DRC9: variants seen among roughly 807,000 people sequenced by gnomAD.
DRC9 encodes dynein regulatory complex subunit 9.
the DRC9 span, chr3:197,954,452 GCCC>G: frequency 2.4e-6 from 1 of 422,622 alleles, no homozygotes. Context: ...TTCCACCTCA[GCCC>G]CCCAAGTAGC....
chr3:197,908,521 C>T, the DRC9 span, among the ~76,000 whole-genome samples: 1 of 147,120 alleles, frequency 6.8e-6, no homozygotes, highest in Non-Finnish European at 1.5e-5. Flanking sequence ...AGAGTGACCC[C>T]TTTCCCAGGC....
the DRC9 span, among the ~76,000 whole-genome samples, chr3:197,901,241 C>G: frequency 3.9e-5 from 6 of 152,092 alleles, no homozygotes; most frequent in South Asian, 2.1e-4. This position sits in a 1 kb window ranked among gnomAD's most constrained non-coding sequence, Gnocchi z 4.4. Context: ...GGGGTTCAAG[C>G]GAGTCTCCTG....
chr3:197,948,333 G>A, the DRC9 span, among the ~76,000 whole-genome samples: 3 of 152,092 alleles, frequency 2.0e-5, no homozygotes, highest in African/African-American at 7.2e-5. Context: ...TGATCCTTTC[G>A]CTGACTCGTC....
At chr3:197,945,952 G>A in the DRC9 span, among the ~76,000 whole-genome samples, 1 of 152,136 alleles carries the variant, frequency 6.6e-6, no homozygotes, top group Non-Finnish European at 1.5e-5. Context: ...GTAAATTAAT[G>A]TTCAACGTGG....
the DRC9 span, chr3:197,916,270 G>A: frequency 6.6e-6 from 1 of 151,414 alleles, no homozygotes; most frequent in Non-Finnish European, 1.4e-5. Context: ...ACTGCGCCCG[G>A]CTTTGTTGTT....
At chr3:197,957,532 A>T in the DRC9 span, 1 of 146,034 alleles carries the variant, frequency 6.8e-6, no homozygotes, top group African/African-American at 2.6e-5. Flanking sequence ...ATCTTGGCTC[A>T]CTGCACGCTC....
At chr3:197,913,598 T>C in the DRC9 span, 20 of 561,962 alleles carry the variant, frequency 3.6e-5, no homozygotes, top group Non-Finnish European at 6.1e-5. Context: ...GTCAGAAAAA[T>C]GGTGATTGGT....
the DRC9 span, among the ~76,000 whole-genome samples, chr3:197,929,715 G>A: frequency 2.7e-4 from 41 of 152,230 alleles, no homozygotes; most frequent in Admixed American, 2.7e-3. The surrounding 1 kb of genome is among the most constrained non-coding windows in gnomAD (Gnocchi z 4.6). Flanking sequence ...AGGCTGCAGT[G>A]GGCTATGATC....
At chr3:197,954,329 G>T in the DRC9 span, 3 of 675,906 alleles carry the variant, frequency 4.4e-6, no homozygotes, top group Non-Finnish European at 7.6e-6. Flanking sequence ...TTGGTTGTTT[G>T]TTTTTTGTTT....
At chr3:197,895,818 T>C in the DRC9 span, among the ~76,000 whole-genome samples, 3 of 150,474 alleles carry the variant, frequency 2.0e-5, no homozygotes, top group East Asian at 3.9e-4. Flanking sequence ...CTACAAAACA[T>C]AGGAAAATTA....
chr3:197,918,194 A>G, the DRC9 span, among the ~76,000 whole-genome samples: 1 of 130,040 alleles, frequency 7.7e-6, no homozygotes, highest in Non-Finnish European at 1.6e-5. Flanking sequence ...TCCCACCTCA[A>G]CCTCCCGAGT....
At chr3:197,922,126 C>G in the DRC9 span, among the ~76,000 whole-genome samples, 8 of 152,262 alleles carry the variant, frequency 5.3e-5, no homozygotes, top group Admixed American at 4.6e-4. Context: ...TTCTTTCTTT[C>G]TTTTTTTAAG....
chr3:197,954,471 C>T, the DRC9 span: 1 of 396,602 alleles, frequency 2.5e-6, no homozygotes, highest in Non-Finnish European at 4.7e-6. Flanking sequence ...GTAGCTGGGA[C>T]CATAGGCGTG....
the DRC9 span, among the ~76,000 whole-genome samples, chr3:197,918,355 C>T: frequency 6.7e-6 from 1 of 149,422 alleles, no homozygotes; most frequent in Non-Finnish European, 1.5e-5. Context: ...CTACCTGCCT[C>T]GGCCTCCCAA....
chr3:197,950,021 A>G, the DRC9 span: 4 of 839,072 alleles, frequency 4.8e-6, no homozygotes, highest in Non-Finnish European at 6.4e-6. Context: ...CAGCCTACCA[A>G]GATGAAAGGA....
At chr3:197,913,333 C>CGTGCGTGT in the DRC9 span, 25 of 206,094 alleles carry the variant, frequency 1.2e-4, no homozygotes, top group African/African-American at 6.2e-4. Flanking sequence ...TGTGTGCGTG[C>CGTGCGTGT]GTGCGTGCGT....
chr3:197,891,328 T>G, the DRC9 span: 16 of 599,150 alleles, frequency 2.7e-5, 1 homozygote, highest in South Asian at 6.4e-5. Flanking sequence ...AGTCCATGCT[T>G]CTTCTCAGAT....
the DRC9 span, among the ~76,000 whole-genome samples, chr3:197,932,571 G>A: frequency 2.6e-5 from 4 of 151,522 alleles, no homozygotes; most frequent in Non-Finnish European, 5.9e-5. Flanking sequence ...GGAGGTGGAG[G>A]TTGCGGTGAG....
chr3:197,926,032 C>G, the DRC9 span: 3 of 1,575,552 alleles, frequency 1.9e-6, no homozygotes, highest in African/African-American at 2.7e-5. Flanking sequence ...ACCTGGACTT[C>G]AAATTGCCAT....
Sources: allele counts gnomAD v4.1 joint callset (sites outside exome capture counted in the v4.1 genomes callset), GRCh38; gene constraint gnomAD v4.1.1; non-coding constraint Gnocchi (gnomAD v3.1); transcripts MANE v1.5; gene names NCBI Gene and HGNC (gene_info 2026-07-23, HGNC 2026-07-21).